TNXB: variants seen among roughly 807,000 people sequenced by gnomAD.
TNXB encodes the protein tenascin-X.
TNXB carries 183 observed loss-of-function variants against 340.5 expected under a neutral mutation model. The ratio of observed to expected loss-of-function variants is 0.54; its 90% CI spans 0.48 to 0.61. The LOEUF (loss-of-function observed/expected upper bound fraction) is 0.61. TNXB is among the 20% of genes least tolerant of loss of function. The pLI, the probability that TNXB is intolerant of heterozygous loss-of-function variation, is 0.00. For synonymous variants in TNXB, 2,121 were observed against 2,314.5 expected, an observed-to-expected ratio of 0.92 and a Z score of 2.40; for missense variants, 4,613 against 5,446.4, an observed-to-expected ratio of 0.85 and a Z score of 4.82.
At chr6:32,092,663 C>T (rs539755357) in intron 4 of TNXB, among the ~76,000 whole-genome samples, 1 of 149,506 alleles carries the variant, frequency 6.7e-6, no homozygotes, top group South Asian at 2.1e-4. Context: ...GCACTCCAGC[C>T]TGAGCAACAA....
At chr6:32,093,507 C>A in intron 4 of TNXB, 2 of 656,622 alleles carry the variant, frequency 3.0e-6, no homozygotes, top group South Asian at 3.3e-5. Flanking sequence ...GATGACAGTT[C>A]CTCTGAGCTG....
rs1778183941 is a variant in TNXB, at chr6:32,064,070, C to T, written c.6841+751G>A. ...GTTTTCAGGAACTACCTACCTTCCT[C>T]AGAAGGGAAAGACTGCAGTTATCTC... is the stretch of plus-strand genomic sequence containing the variant. On this transcript the variant is annotated intron_variant, in intron 19 of 43. Transcript: ENST00000644971. This position sits in a 1 kb window ranked among gnomAD's most constrained non-coding sequence, Gnocchi z 5.3. Among the ~76,000 whole-genome samples the T allele has an allele frequency of 6.6e-6, 1 of 152,190 alleles. No homozygotes were observed. Among genetic ancestry groups the T allele is most frequent in the South Asian group, 2.1e-4 (1 of 4,826 alleles).
rs934749166 is a variant in TNXB, at chr6:32,106,309, C to T, written c.-9+2872G>A. 4.6e-5 allele frequency among the ~76,000 whole-genome samples: 7 copies of T among 151,746 alleles called. 1 individual carries two copies. The East Asian group carries it at 9.6e-4, about 21-fold the overall frequency. ...GATAAGACAGGAGACAGGGCTATGG[C>T]AAACCTGAGTGTGAGGGGGCCAGTC... On this transcript the variant is annotated intron_variant, in intron 1 of 43. Transcript: ENST00000644971.
rs1779667460 is a variant in TNXB, at chr6:32,084,642, G to T, written c.3216C>A (p.Asp1072Glu). ...GCAGGAGCAAGGAGTCGGAGGTCCT[G>T]TCTGTCACCGTCAGCTCACCCAGGC... ...PPRLGELTVT[D>E]RTSDSLLLRW... Residue 1072 changes from aspartate to glutamate, a missense_variant, in exon 8 of 44, where the codon GAC becomes GAA. This residue lies in a region of TNXB where 4,327 missense variants were observed against 4,859.4 expected (regional missense o/e 0.89). Coordinates refer to ENST00000644971, the MANE Select transcript of TNXB (RefSeq NM_001365276.2). The surrounding 1 kb of genome is among the most constrained non-coding windows in gnomAD (Gnocchi z 5.5). The T allele has an allele frequency of 5.0e-6, 8 of 1,598,298 alleles. No individual in the cohort carries two copies. The highest frequency in any genetic ancestry group is 6.8e-6 in the Non-Finnish European group (8 of 1,172,020).
At chr6:32,065,230 G>T in intron 18 of TNXB, 113 bp from the exon 19 acceptor site, 1 of 932,142 alleles carries the variant, frequency 1.1e-6, no homozygotes, top group Non-Finnish European at 1.6e-6. Context: ...ACTTAAGATC[G>T]ATTTCTGATT....
Position 32,046,026 on chromosome 6 carries a change from C to T in TNXB, c.10606+149G>A. ...ACTCCTTGATGGATGTTGAAGCCCA[C>T]AGGGCTGCAGACTCCTCCTCCTTCC... On this transcript the variant is annotated intron_variant, in intron 31 of 43. Coordinates refer to ENST00000644971, the MANE Select transcript of TNXB (RefSeq NM_001365276.2). The surrounding 1 kb of genome is among the most constrained non-coding windows in gnomAD (Gnocchi z 6.9). 1 of 1,400,632 alleles carries T rather than the reference C, an allele frequency of 7.1e-7. No homozygotes were observed. The highest frequency in any genetic ancestry group is 2.6e-4 in the Middle Eastern group (1 of 3,778). 86.8% of individuals were successfully genotyped at this position (1,400,632 alleles called of 1,614,324 possible).
chr6:32,043,829 G>A lies in TNXB; in HGVS notation c.11450C>T (p.Pro3817Leu), dbSNP rs768169058. The part of the protein sequence containing the change: ...ARTQKLQGLI[P>L]GARYEVTVVS... ...CACGGTCACCTCATAGCGAGCGCCT[G>A]GGATCAGCCCCTGGAGTTTCTGGGT... The change falls in exon 35 of 44, where the codon CCA becomes CTA. Residue 3817 changes from proline to leucine, a missense_variant. Physicochemically the swap from Pro to Leu is moderately conservative, Grantham distance 98. Coordinates refer to ENST00000644971, the MANE Select transcript of TNXB (RefSeq NM_001365276.2). The A allele has an allele frequency of 6.2e-7, 1 of 1,613,674 alleles. No homozygotes were observed. The highest frequency in any genetic ancestry group is 1.1e-5 in the South Asian group (1 of 91,086).
Position 32,052,793 on chromosome 6 carries a change from C to T in TNXB, c.8992G>A (p.Val2998Ile), listed in dbSNP as rs968632420. The part of the protein sequence containing the change: ...DRDGRPQVVR[V>I]RGEESEVTVG... ...GTGACCTCGCTCTCCTCGCCCCTGA[C>T]ACGCACCACCTGGGGCCGCCCGTCC... The change falls in exon 26 of 44, where the codon GTC becomes ATC. Residue 2998 changes from valine (V) to isoleucine (I), a missense_variant. Val to Ile is a conservative substitution (Grantham distance 29). Around this residue, in one of 7 missense-constraint regions of TNXB, gnomAD observed 4,327 missense variants for 4,859.4 expected, o/e 0.89. Transcript: ENST00000644971. This position sits in a 1 kb window ranked among gnomAD's most constrained non-coding sequence, Gnocchi z 4.7. 1 of 1,613,820 alleles carries T rather than the reference C, an allele frequency of 6.2e-7. No homozygotes were observed. Among genetic ancestry groups the T allele is most frequent in the Non-Finnish European group, 8.5e-7 (1 of 1,179,894 alleles).
Position 32,068,980 on chromosome 6 carries a change from T to C in TNXB, c.5744A>G (p.Tyr1915Cys). 1 of 1,612,922 alleles carries C rather than the reference T, an allele frequency of 6.2e-7. No homozygotes were observed. The highest frequency in any genetic ancestry group is 1.1e-5 in the South Asian group (1 of 91,086). Residue 1915 changes from tyrosine to cysteine, a missense_variant, in exon 16 of 44, where the codon TAC becomes TGC. Coordinates refer to ENST00000644971, the MANE Select transcript of TNXB (RefSeq NM_001365276.2). This position sits in a 1 kb window ranked among gnomAD's most constrained non-coding sequence, Gnocchi z 5.3. ...TTGGAGTTGCCCGTCTCTATCTGTG[T>C]ACTGGATTTCGAAGGAGTCAAATTC... ...EGEFDSFEIQ[Y>C]TDRDGQLQMV...
rs9267797 is a variant in TNXB, at chr6:32,062,923, C to A, written c.6842-440G>T. Among the ~76,000 whole-genome samples, 5 of 151,744 alleles carry A rather than the reference C, an allele frequency of 3.3e-5. No individual in the cohort carries two copies. The highest frequency in any genetic ancestry group is 5.9e-5 in the Non-Finnish European group (4 of 67,974). On this transcript the variant is annotated intron_variant, in intron 19 of 43. Coordinates refer to ENST00000644971, the MANE Select transcript of TNXB (RefSeq NM_001365276.2). The surrounding 1 kb of genome is among the most constrained non-coding windows in gnomAD (Gnocchi z 4.3). The stretch of plus-strand genomic sequence containing the variant: ...ACAAAAAATTAGCCAGGCGTGTTGG[C>A]GGGCACCTGTAGTCCCAGCTACTCA...
rs750782563 is a variant in TNXB at position 32,088,823 on chromosome 6, C to G, written c.2741G>C (p.Arg914Pro). 3.8e-6 allele frequency: 6 copies of G among 1,579,944 alleles called. No individual in the cohort carries two copies. The Admixed American group carries it at 9.1e-5, about 24-fold the overall frequency. ...GACAGAAGCTGGGTAGCTGACTGCC[C>G]GGCCCCGCTCCGCTGTGACAGTCAC... The part of the protein sequence containing the change: ...YVVTVTAERG[R>P]AVSYPASVRA... The change falls in exon 6 of 44, where the codon CGG becomes CCG. Residue 914 changes from arginine (R) to proline (P), a missense_variant. By Grantham distance (103) the Arg-to-Pro change is moderately radical (BLOSUM62 -2). This residue lies in a region of TNXB where 4,327 missense variants were observed against 4,859.4 expected (regional missense o/e 0.89). Transcript: ENST00000644971.
chr6:32,086,767 C>T (rs1779803193), intron 6 of TNXB, among the ~76,000 whole-genome samples: 1 of 152,208 alleles, frequency 6.6e-6, no homozygotes, highest in Non-Finnish European at 1.5e-5. Flanking sequence ...TGCCTGATGG[C>T]ACCCAGGCCA....
At chr6:32,106,148 G>C (rs1293360322) in intron 1 of TNXB, among the ~76,000 whole-genome samples, 5 of 151,400 alleles carry the variant, frequency 3.3e-5, no homozygotes, top group Non-Finnish European at 5.9e-5. Context: ...GGGGGCTTCT[G>C]GGGTGCTAAA....
rs367775946 is a variant in TNXB at position 32,084,521 on chromosome 6, G to A, written c.3337C>T (p.Arg1113Cys). Residue 1113 changes from arginine to cysteine, a missense_variant, in exon 8 of 44, where the codon CGC becomes TGC. Physicochemically the swap from Arg to Cys is radical, Grantham distance 180. Around this residue, in one of 7 missense-constraint regions of TNXB, gnomAD observed 4,327 missense variants for 4,859.4 expected, o/e 0.89. Transcript: ENST00000644971. The surrounding 1 kb of genome is among the most constrained non-coding windows in gnomAD (Gnocchi z 5.5). ...PQVVPVEGPQ[R>C]SAVITSLDPG... Reference sequence around the variant, plus strand: ...TCCAGGGAGGTGATGACGGCCGAGCGCTGGGGTCCTTCCACGGGCACCACC... The same window carrying A: ...TCCAGGGAGGTGATGACGGCCGAGCACTGGGGTCCTTCCACGGGCACCACC... 32 of 1,609,078 alleles carry A rather than the reference G, an allele frequency of 2.0e-5. No individual in the cohort carries two copies. The highest frequency in any genetic ancestry group is 6.7e-5 in the East Asian group (3 of 44,898).
At chr6:32,048,724 T>G (rs1199907237) in intron 28 of TNXB, 74 bp from the exon 29 acceptor site, 3 of 1,325,236 alleles carry the variant, frequency 2.3e-6, no homozygotes, top group African/African-American at 2.9e-5. Flanking sequence ...CTCCCAGGAC[T>G]GGAGTGAGCA....
chr6:32,081,558 G>C lies in TNXB; in HGVS notation c.3852C>G (p.Ala1284=), dbSNP rs374110118. The change falls in exon 10 of 44, where the codon GCC becomes GCG. Residue 1284 remains alanine (A), a synonymous_variant. Transcript: ENST00000644971. This position sits in a 1 kb window ranked among gnomAD's most constrained non-coding sequence, Gnocchi z 5.1. ...PDSLRLSWTV[A]QGPFDSFMVQ... Reference sequence around the variant, plus strand: ...CCATGAATGAGTCGAAGGGGCCCTGGGCCACTGTCCATGAGAGACGCAAGG... The same window carrying C: ...CCATGAATGAGTCGAAGGGGCCCTGCGCCACTGTCCATGAGAGACGCAAGG... 3.7e-6 allele frequency: 6 copies of C among 1,604,184 alleles called. No individual in the cohort carries two copies. Among genetic ancestry groups the C allele is most frequent in the Non-Finnish European group, 5.1e-6 (6 of 1,175,646 alleles).
chr6:32,076,387 G>A (rs549307604), intron 11 of TNXB, among the ~76,000 whole-genome samples: 3 of 152,288 alleles, frequency 2.0e-5, no homozygotes, highest in South Asian at 4.1e-4. Flanking sequence ...CCAGCTTGGC[G>A]GACTCCAGCT....
Position 32,090,485 on chromosome 6 carries a change from G to A in TNXB, c.2359-1106C>T, listed in dbSNP as rs1319912301. On this transcript the variant is annotated intron_variant, in intron 4 of 43. Transcript: ENST00000644971. This position sits in a 1 kb window ranked among gnomAD's most constrained non-coding sequence, Gnocchi z 4.3. The stretch of plus-strand genomic sequence containing the variant: ...GCTGTGCTGTCCAGCTAGGACAGCC[G>A]CTAAGGATGCTGTGTTCTGCCTAGC... Among the ~76,000 whole-genome samples the A allele has an allele frequency of 1.3e-5, 2 of 152,186 alleles. No homozygotes were observed. The highest frequency in any genetic ancestry group is 2.1e-4 in the South Asian group (1 of 4,830).
In TNXB at chr6:32,096,751, A is replaced by T. The variant is rs1034296895; in HGVS notation, c.1102T>A (p.Cys368Ser). 6.4e-7 allele frequency: 1 copy of T among 1,555,952 alleles called. No homozygotes were observed. The highest frequency in any genetic ancestry group is 1.4e-5 in the African/African-American group (1 of 73,262). The change falls in exon 3 of 44, where the codon TGC (cysteine) becomes AGC (serine). Residue 368 changes from cysteine (C) to serine (S), a missense_variant. Physicochemically the swap from Cys to Ser is moderately radical, Grantham distance 112. Coordinates refer to ENST00000644971, the MANE Select transcript of TNXB (RefSeq NM_001365276.2). ...TCCCTCGGACATGTCCGCGTGCTGCAGTCCTCGCCTGTGTACCCGGGCCAG... is the reference window on the plus strand; with the variant it reads ...TCCCTCGGACATGTCCGCGTGCTGCTGTCCTCGCCTGTGTACCCGGGCCAG... The part of the protein sequence containing the change: ...VCWPGYTGED[C>S]STRTCPRDCR...
Sources: gnomAD v4.1 joint callset for allele counts (sites outside exome capture counted in the v4.1 genomes callset) on GRCh38, gnomAD v4.1.1 for gene constraint, gnomAD v4.1.1 regional missense constraint, Gnocchi (gnomAD v3.1) non-coding constraint, MANE v1.5 for transcripts, NCBI Gene and HGNC (gene_info 2026-07-23, HGNC 2026-07-21) for gene names.